AGFG1: variants seen among roughly 807,000 people sequenced by gnomAD.
AGFG1 encodes ArfGAP with FG repeats 1.
AGFG1 carries 10 observed loss-of-function variants against 60.6 expected under a neutral mutation model. The ratio of observed to expected loss-of-function variants is 0.16; its 90% CI spans 0.10 to 0.28. The LOEUF is 0.28. Among genes scored for constraint, AGFG1 ranks in the 10% least tolerant of loss-of-function variants. The probability of loss-of-function intolerance (pLI) is 1.00; values close to 1 mark genes in which losing one functional copy is unlikely to be tolerated. For synonymous variants in AGFG1, 247 were observed against 242.9 expected, an observed-to-expected ratio of 1.02 and a Z score of -0.16; for missense variants, 537 against 676.5, an observed-to-expected ratio of 0.79 and a Z score of 2.29.
intron 6 of AGFG1, among the ~76,000 whole-genome samples, chr2:227,531,596 A>AT (rs35965525): frequency 0.027 from 3,537 of 130,528 alleles, 59 homozygotes; most frequent in South Asian, 0.054. Context: ...TCCCAGCTAA[A>AT]TTTTTTTTTT....
intron 2 of AGFG1, among the ~76,000 whole-genome samples, chr2:227,499,223 G>T (rs560443239): frequency 2.0e-5 from 3 of 151,876 alleles, no homozygotes; most frequent in Admixed American, 6.6e-5. Context: ...TAAGTTTTCT[G>T]TTGTTCATCA....
At chr2:227,530,638 T>G (rs544984146) in intron 5 of AGFG1, among the ~76,000 whole-genome samples, 1 of 137,004 alleles carries the variant, frequency 7.3e-6, no homozygotes, top group Non-Finnish European at 1.6e-5. Flanking sequence ...CTCTATTAAT[T>G]AAACCATTTT....
intron 1 of AGFG1, 43 bp downstream of exon 1, chr2:227,472,631 A>G (rs1212254838): frequency 7.0e-7 from 1 of 1,435,486 alleles, no homozygotes; most frequent in East Asian, 3.3e-5. Flanking sequence ...CCTTCCCGGG[A>G]GGTGGGGGAG....
intron 1 of AGFG1, among the ~76,000 whole-genome samples, chr2:227,481,483 G>A (rs1690461151): frequency 6.6e-6 from 1 of 152,122 alleles, no homozygotes. Context: ...AGTAAATCTT[G>A]ATATGTCCTG....
At chr2:227,505,207 T>TTATCTC (rs5839224) in intron 2 of AGFG1, among the ~76,000 whole-genome samples, 72,332 of 151,446 alleles carry the variant, frequency 0.48, 18,029 homozygotes, top group South Asian at 0.64. Context: ...ATCTCATACT[T>TTATCTC]ATATTGTTTT....
chr2:227,535,645 C>T (rs533390987), intron 8 of AGFG1, among the ~76,000 whole-genome samples: 1 of 152,116 alleles, frequency 6.6e-6, no homozygotes, highest in Non-Finnish European at 1.5e-5. Flanking sequence ...AAGAGATTTA[C>T]CTATAACAAT....
Position 227,476,269 on chromosome 2 carries a change from C to T in AGFG1, c.167+3681C>T, listed in dbSNP as rs184102963. Among the ~76,000 whole-genome samples the T allele has an allele frequency of 2.8e-3, 422 of 152,250 alleles. 2 individuals carry two copies. Among genetic ancestry groups the T allele is most frequent in the Middle Eastern group, 0.014 (4 of 294 alleles). ...TTTCTGGTTGTATTTATGGAAATCC[C>T]TAAAATTCTGAATGGACACTTCAGA... On this transcript the variant is annotated intron_variant, in intron 1 of 12. Coordinates refer to ENST00000310078, the MANE Select transcript of AGFG1 (RefSeq NM_004504.5).
At chr2:227,536,830 T>C (rs991935868) in intron 9 of AGFG1, 71 bp from the exon 10 acceptor site, 7 of 1,541,334 alleles carry the variant, frequency 4.5e-6, no homozygotes, top group Admixed American at 1.8e-5. Context: ...TTGATAAATA[T>C]AGTGAAATAA....
At chr2:227,521,783 C>T (rs1337079050) in intron 3 of AGFG1, among the ~76,000 whole-genome samples, 2 of 152,204 alleles carry the variant, frequency 1.3e-5, no homozygotes, top group African/African-American at 4.8e-5. Context: ...TCCTTACCCC[C>T]ACATTTATAA....
At chr2:227,502,682 C>T (rs555212775) in intron 2 of AGFG1, among the ~76,000 whole-genome samples, 2 of 152,202 alleles carry the variant, frequency 1.3e-5, no homozygotes, top group African/African-American at 4.8e-5. Flanking sequence ...TGATGAAATA[C>T]AATTTATTAG....
chr2:227,539,916 G>A (rs1300557611), intron 10 of AGFG1, among the ~76,000 whole-genome samples: 1 of 152,038 alleles, frequency 6.6e-6, no homozygotes, highest in Non-Finnish European at 1.5e-5. Context: ...GCTCACTGCA[G>A]CCTCTACCTC....
chr2:227,543,449 A>T (rs377163396), intron 10 of AGFG1, among the ~76,000 whole-genome samples: 1 of 152,026 alleles, frequency 6.6e-6, no homozygotes, highest in Non-Finnish European at 1.5e-5. Context: ...TTCAGTTTCC[A>T]TGTAGTTTTG....
rs540552835 is a variant in AGFG1 at position 227,518,609 on chromosome 2, C to T, written c.262-1339C>T. Among the ~76,000 whole-genome samples, 299 of 151,190 alleles carry T rather than the reference C, an allele frequency of 2.0e-3. 2 individuals are homozygous for T. The highest frequency in any genetic ancestry group is 6.8e-3 in the African/African-American group (278 of 41,140). Reference sequence around the variant, plus strand: ...CATGATCTTGGCTCACTGCAACCTCCCCTTCCTGGGTTCAAGCCATTCTTC... The same window carrying T: ...CATGATCTTGGCTCACTGCAACCTCTCCTTCCTGGGTTCAAGCCATTCTTC... On this transcript the variant is annotated intron_variant, in intron 2 of 12. Coordinates refer to ENST00000310078, the MANE Select transcript of AGFG1 (RefSeq NM_004504.5).
chr2:227,554,520 C>T lies in AGFG1; in HGVS notation c.*25C>T, dbSNP rs753295891. 2.9e-5 allele frequency: 46 copies of T among 1,594,962 alleles called. No homozygotes were observed. Among genetic ancestry groups the T allele is most frequent in the Middle Eastern group, 1.7e-4 (1 of 6,012 alleles). ...GCCTTATATAGACAATTTACTGGAA[C>T]GAACTTTTATGTGGTCACATTACAT... On this transcript the variant is annotated 3_prime_UTR_variant, in exon 13 of 13. Coordinates refer to ENST00000310078, the MANE Select transcript of AGFG1 (RefSeq NM_004504.5).
intron 5 of AGFG1, among the ~76,000 whole-genome samples, chr2:227,527,094 G>A (rs1692017434): frequency 6.6e-6 from 1 of 152,174 alleles, no homozygotes; most frequent in African/African-American, 2.4e-5. Context: ...AATAGCAATA[G>A]TCTGATAGGG....
chr2:227,494,734 A>G (rs747238025), intron 2 of AGFG1, among the ~76,000 whole-genome samples: 4 of 152,244 alleles, frequency 2.6e-5, no homozygotes, highest in African/African-American at 9.6e-5. Flanking sequence ...GGTCTTCTGC[A>G]TATATAATTT....
chr2:227,500,942 GCCAC>G (rs1691135938), intron 2 of AGFG1, among the ~76,000 whole-genome samples: 1 of 151,466 alleles, frequency 6.6e-6, no homozygotes, highest in Non-Finnish European at 1.5e-5. Flanking sequence ...ACAGGCGCTC[GCCAC>G]CACGCCCAGC....
rs1693093057 is a variant in AGFG1, at chr2:227,560,096, T to C, written c.*5601T>C. On this transcript the variant is annotated 3_prime_UTR_variant, in exon 13 of 13. Coordinates refer to ENST00000310078, the MANE Select transcript of AGFG1 (RefSeq NM_004504.5). ...TATGGCTCTCTCTCTGTATGCCTCTTCCTGTTCTTATTTTAAATGTTCAAG... is the reference window on the plus strand; with the variant it reads ...TATGGCTCTCTCTCTGTATGCCTCTCCCTGTTCTTATTTTAAATGTTCAAG... 6.6e-6 allele frequency: 1 copy of C among 152,108 alleles called. No individual in the cohort carries two copies. Among genetic ancestry groups the C allele is most frequent in the African/African-American group, 2.4e-5 (1 of 41,446 alleles). The allele number at this position is 152,108 out of a possible 1,614,324, so 9.4% of individuals were successfully genotyped here.
Position 227,556,189 on chromosome 2 carries a change from T to C in AGFG1, c.*1694T>C, listed in dbSNP as rs537042383. 9 of 152,374 alleles carry C rather than the reference T, an allele frequency of 5.9e-5. No homozygotes were observed. The South Asian group carries it at 1.9e-3, about 32-fold the overall frequency. The allele number at this position is 152,374 out of a possible 1,614,324, so 9.4% of individuals were successfully genotyped here. A position where few individuals can be genotyped will look rare whatever the true frequency, so the allele number is the denominator to read the frequency against. On this transcript the variant is annotated 3_prime_UTR_variant, in exon 13 of 13. Coordinates refer to ENST00000310078, the MANE Select transcript of AGFG1 (RefSeq NM_004504.5). ...AAAACTTTTTAAAAAGCTTTGGTAT[T>C]AAAAGAGGTAAACATCAGTTTCCTC...
Sources: allele counts gnomAD v4.1 joint callset (sites outside exome capture counted in the v4.1 genomes callset), GRCh38; gene constraint gnomAD v4.1.1; transcripts MANE v1.5; gene names NCBI Gene and HGNC (gene_info 2026-07-23, HGNC 2026-07-21).